The following FUT8 variants were observed in gnomAD, a reference collection of about 807,000 sequenced individuals.
FUT8 encodes the protein fucosyltransferase 8.
FUT8 carries 29 observed loss-of-function variants against 71.3 expected under a neutral mutation model. The observed-to-expected ratio is 0.41, with a 90% CI of 0.30 to 0.55. FUT8 has a LOEUF of 0.55. Ranked by LOEUF, FUT8 falls within the 20% of genes least tolerant of loss-of-function variation. The pLI is 0.34. For synonymous variants in FUT8, 254 were observed against 239.3 expected (o/e 1.06, Z -0.57); for missense variants, 544 against 702.1 (o/e 0.77, Z 2.55).
intron 3 of FUT8, among the ~76,000 whole-genome samples, chr14:65,588,651 T>A (rs941402807): frequency 6.6e-6 from 1 of 152,072 alleles, no homozygotes; most frequent in African/African-American, 2.4e-5. Context: ...GTCCCCTTTA[T>A]CCATGGTTTT....
intron 2 of FUT8, among the ~76,000 whole-genome samples, chr14:65,549,387 C>T (rs757247407): frequency 6.6e-6 from 1 of 151,598 alleles, no homozygotes; most frequent in Non-Finnish European, 1.5e-5. Context: ...TGATTAGAAG[C>T]CCCCTGCATT....
intron 3 of FUT8, among the ~76,000 whole-genome samples, chr14:65,602,864 C>T (rs73286159): frequency 0.011 from 1,649 of 151,676 alleles, 40 homozygotes; most frequent in African/African-American, 0.038. Flanking sequence ...CTTTTTGATG[C>T]GATTGTTTTT....
intron 9 of FUT8, among the ~76,000 whole-genome samples, chr14:65,729,219 T>A (rs1430853625): frequency 6.6e-6 from 1 of 151,940 alleles, no homozygotes; most frequent in Non-Finnish European, 1.5e-5. Flanking sequence ...CGGGATTGCA[T>A]GTTGCTCAGG....
chr14:65,578,429 A>G (rs771521448), intron 3 of FUT8, among the ~76,000 whole-genome samples: 1 of 152,164 alleles, frequency 6.6e-6, no homozygotes, highest in Non-Finnish European at 1.5e-5. Flanking sequence ...TGTTTTTGAA[A>G]TTGTTATATT....
chr14:65,683,718 C>T lies in FUT8; in HGVS notation c.835+14238C>T, dbSNP rs78479273. Among the ~76,000 whole-genome samples the T allele has an allele frequency of 5.8e-3, 882 of 151,968 alleles. 31 individuals carry two copies. The East Asian group carries it at 0.094, about 16-fold the overall frequency. ...ACTTTATGTGGATTGAAAAATATTC[C>T]AGACACCAAAAATAAAAGCAGAGGA... On this transcript the variant is annotated intron_variant, in intron 7 of 10. Coordinates refer to ENST00000673929, the MANE Select transcript of FUT8 (RefSeq NM_001371533.1).
chr14:65,543,092 A>AT (rs956992130), intron 2 of FUT8, among the ~76,000 whole-genome samples: 2 of 151,900 alleles, frequency 1.3e-5, no homozygotes, highest in Non-Finnish European at 2.9e-5. Context: ...ATGACTAGGA[A>AT]TTTTTTTTGC....
At chr14:65,390,037 A>T in the FUT8 span, among the ~76,000 whole-genome samples, 1 of 151,370 alleles carries the variant, frequency 6.6e-6, no homozygotes, top group East Asian at 1.9e-4. Context: ...GCTACTTGGG[A>T]GGCTGAGGTG....
At chr14:65,592,056 T>A (rs568224303) in intron 3 of FUT8, among the ~76,000 whole-genome samples, 6 of 152,264 alleles carry the variant, frequency 3.9e-5, no homozygotes, top group African/African-American at 1.4e-4. Flanking sequence ...AGAAAGTTTC[T>A]TATTAACTGA....
At chr14:65,600,945 A>G (rs1404909310) in intron 3 of FUT8, among the ~76,000 whole-genome samples, 1 of 152,188 alleles carries the variant, frequency 6.6e-6, no homozygotes, top group Non-Finnish European at 1.5e-5. Flanking sequence ...GGATGATGCA[A>G]CAGTAGTCTA....
At chr14:65,506,547 A>G (rs931783040) in intron 2 of FUT8, among the ~76,000 whole-genome samples, 15 of 152,226 alleles carry the variant, frequency 9.9e-5, no homozygotes, top group African/African-American at 3.6e-4. Flanking sequence ...TGATAATGCT[A>G]TTTTAATAAA....
chr14:65,554,744 G>A (rs1298631114), intron 2 of FUT8, among the ~76,000 whole-genome samples: 4 of 151,976 alleles, frequency 2.6e-5, no homozygotes, highest in Non-Finnish European at 5.9e-5. Flanking sequence ...TTGGAGCCTC[G>A]GTGCTGGAGT....
intron 1 of FUT8, among the ~76,000 whole-genome samples, chr14:65,433,343 T>G (rs1458634571): frequency 6.6e-6 from 1 of 152,182 alleles, no homozygotes; most frequent in Non-Finnish European, 1.5e-5. Flanking sequence ...ATAGTGATGA[T>G]TAGCTTAGCA....
chr14:65,504,751 A>G (rs757131657), intron 2 of FUT8, among the ~76,000 whole-genome samples: 4 of 151,890 alleles, frequency 2.6e-5, no homozygotes, highest in African/African-American at 4.8e-5. Context: ...ACGGGGTTTC[A>G]CCTTGTTGGC....
intron 2 of FUT8, among the ~76,000 whole-genome samples, chr14:65,554,467 C>G (rs1376715024): frequency 6.8e-6 from 1 of 146,326 alleles, no homozygotes; most frequent in Non-Finnish European, 1.5e-5. Flanking sequence ...AGATCTATAT[C>G]TCATGGTTTT....
intron 2 of FUT8, among the ~76,000 whole-genome samples, chr14:65,456,030 A>G (rs1053217685): frequency 6.6e-6 from 1 of 152,212 alleles, no homozygotes; most frequent in African/African-American, 2.4e-5. Context: ...TGTGTGGCAT[A>G]TTTGGTGCTA....
intron 3 of FUT8, among the ~76,000 whole-genome samples, chr14:65,602,634 C>A (rs1157632579): frequency 6.6e-6 from 1 of 151,684 alleles, no homozygotes; most frequent in African/African-American, 2.4e-5. Context: ...TACATTCCCA[C>A]CAGCATTGTA....
chr14:65,667,408 GCAATC>G (rs1238076460), intron 6 of FUT8, among the ~76,000 whole-genome samples: 1 of 152,056 alleles, frequency 6.6e-6, no homozygotes, highest in Admixed American at 6.6e-5. Context: ...AATCAAGAAT[GCAATC>G]CTAGTCAAAA....
At chr14:65,687,017 C>G (rs1893323873) in intron 7 of FUT8, among the ~76,000 whole-genome samples, 1 of 152,124 alleles carries the variant, frequency 6.6e-6, no homozygotes, top group African/African-American at 2.4e-5. Context: ...AGAATGGACT[C>G]TTTGTGTTTC....
At chr14:65,423,016 C>T (rs567921274) in intron 1 of FUT8, among the ~76,000 whole-genome samples, 25 of 141,706 alleles carry the variant, frequency 1.8e-4, no homozygotes, top group African/African-American at 1.6e-4. Flanking sequence ...GACTGAGTCT[C>T]GCTTTGTCAC....
Sources: gnomAD v4.1 joint callset for allele counts (sites outside exome capture counted in the v4.1 genomes callset) on GRCh38, gnomAD v4.1.1 for gene constraint, MANE v1.5 for transcripts, NCBI Gene and HGNC (gene_info 2026-07-23, HGNC 2026-07-21) for gene names.